SHANK1: variants seen among roughly 807,000 people sequenced by gnomAD.
SHANK1 encodes SH3 and multiple ankyrin repeat domains protein 1.
A neutral mutation model predicts 165.6 loss-of-function variants in SHANK1; 35 were observed. That is an observed-to-expected ratio of 0.21 (90% confidence interval 0.16 to 0.28). The LOEUF is 0.28. SHANK1 is among the 10% of genes least tolerant of loss of function. The pLI is 1.00. For missense variants in SHANK1, 2,681 were observed against 3,036.4 expected (o/e 0.88, Z 2.75); for synonymous variants, 1,428 against 1,384.8 (o/e 1.03, Z -0.69).
At position 50,686,200 on chromosome 19, in the gene SHANK1, C is replaced by T. The variant is rs201275024; in HGVS notation, c.2577+37G>A. ...CTCCAGGTTGGTGTGTGAACCGCCTCCCCCCTGGCAGTTCCTCCCCACACC... is the reference window on the plus strand; with the variant it reads ...CTCCAGGTTGGTGTGTGAACCGCCTTCCCCCTGGCAGTTCCTCCCCACACC... On this transcript the variant is annotated intron_variant, in intron 21 of 23. Coordinates refer to ENST00000293441, the MANE Select transcript of SHANK1 (RefSeq NM_016148.5). This position sits in a 1 kb window ranked among gnomAD's most constrained non-coding sequence, Gnocchi z 5.7. 225 of 1,269,096 alleles carry T rather than the reference C, an allele frequency of 1.8e-4. No individual in the cohort carries two copies. The highest frequency in any genetic ancestry group is 4.5e-5 in the Non-Finnish European group (40 of 897,874). The allele number at this position is 1,269,096 out of a possible 1,614,324, so 78.6% of individuals were successfully genotyped here.
chr19:50,672,978 T>A (rs1346178840), intron 21 of SHANK1, among the ~76,000 whole-genome samples: 1 of 152,086 alleles, frequency 6.6e-6, no homozygotes, highest in Admixed American at 6.5e-5. Flanking sequence ...GGATGCAGCA[T>A]CCCATCCCTC....
chr19:50,699,007 G>A (rs1472235680), intron 12 of SHANK1, among the ~76,000 whole-genome samples: 1 of 152,232 alleles, frequency 6.6e-6, no homozygotes, highest in Non-Finnish European at 1.5e-5. Context: ...AAGCTGAAGC[G>A]AATGTGGAGA....
At position 50,690,825 on chromosome 19, in the gene SHANK1, C is replaced by T. The variant is rs945060891; in HGVS notation, c.1965-1546G>A. Among the ~76,000 whole-genome samples, 1 of 152,088 alleles carries T rather than the reference C, an allele frequency of 6.6e-6. No individual in the cohort carries two copies. Among genetic ancestry groups the T allele is most frequent in the African/African-American group, 2.4e-5 (1 of 41,404 alleles). ...CTGAACACATACATCCCAGCAAATG[C>T]CAATAATACTTACTGTGCTCCACTG... On this transcript the variant is annotated intron_variant, in intron 15 of 23. Transcript: ENST00000293441. This position sits in a 1 kb window ranked among gnomAD's most constrained non-coding sequence, Gnocchi z 4.9.
chr19:50,693,393 T>C (rs1986605954), intron 15 of SHANK1, among the ~76,000 whole-genome samples: 1 of 149,952 alleles, frequency 6.7e-6, no homozygotes, highest in South Asian at 2.2e-4. Flanking sequence ...CCCCCCATCT[T>C]GGCTGCCCCT....
rs760903790 is a variant in SHANK1, at chr19:50,662,499, C to T, written c.5952G>A (p.Gln1984=). 147 of 1,559,650 alleles carry T rather than the reference C, an allele frequency of 9.4e-5. No homozygotes were observed. In the East Asian group the frequency reaches 3.4e-3, roughly 36 times the overall value. The change falls in exon 24 of 24, where the codon CAG becomes CAA. Residue 1984 remains glutamine (Q), a synonymous_variant. Coordinates refer to ENST00000293441, the MANE Select transcript of SHANK1 (RefSeq NM_016148.5). This position sits in a 1 kb window ranked among gnomAD's most constrained non-coding sequence, Gnocchi z 7.7. ...SSSSTSTRHL[Q]GVEFEMRPPL... The stretch of plus-strand genomic sequence containing the variant: ...GGGGCCGCATCTCGAACTCCACGCC[C>T]TGGAGGTGGCGGGTGGACGTGGAGG...
chr19:50,700,074 T>C (rs1273599695), intron 12 of SHANK1, among the ~76,000 whole-genome samples: 5 of 119,462 alleles, frequency 4.2e-5, no homozygotes, highest in African/African-American at 6.8e-5. Context: ...GCTCAGGGCA[T>C]TGGAGGATTG....
chr19:50,704,970 G>A (rs1001367652), intron 8 of SHANK1, among the ~76,000 whole-genome samples: 4 of 151,018 alleles, frequency 2.6e-5, no homozygotes, highest in African/African-American at 4.9e-5. Context: ...TGGGAGGATC[G>A]CTTGAGCTCA....
intron 19 of SHANK1, chr19:50,687,179 G>C (rs1986375806): frequency 3.9e-6 from 2 of 513,692 alleles, no homozygotes; most frequent in African/African-American, 2.0e-5. Flanking sequence ...CCTGTCAGGG[G>C]AAATGGGACC....
intron 15 of SHANK1, among the ~76,000 whole-genome samples, chr19:50,692,689 G>A (rs1037904183): frequency 4.0e-5 from 6 of 151,188 alleles, no homozygotes; most frequent in Non-Finnish European, 7.4e-5. Flanking sequence ...CTGCTCTCTT[G>A]CTCCCACAGC....
intron 10 of SHANK1, 144 bp from the exon 11 acceptor site, chr19:50,703,974 C>G: frequency 2.3e-6 from 2 of 858,788 alleles, no homozygotes; most frequent in South Asian, 3.2e-5. Context: ...GAATTGCTCC[C>G]CCACCACCAT....
In SHANK1 at chr19:50,667,615, G is replaced by A. The variant is rs1440471894; in HGVS notation, c.4345C>T (p.Pro1449Ser). The A allele has an allele frequency of 6.9e-7, 1 of 1,439,302 alleles. No individual in the cohort carries two copies. 89.2% of individuals were successfully genotyped at this position (1,439,302 alleles called of 1,614,324 possible). ...AARRSLLHRL[P>S]PTAPGVGPLL... ...GGCCCCACCCCGGGAGCGGTGGGCG[G>A]CAGGCGGTGTAGCAGGGAACGCCGG... The change falls in exon 23 of 24, where the codon CCG (proline) becomes TCG (serine). Residue 1449 changes from proline to serine, a missense_variant. Around this residue, in one of 10 missense-constraint regions of SHANK1, gnomAD observed 1,713 missense variants for 1,630.2 expected, o/e 1.05. Transcript: ENST00000293441. This position sits in a 1 kb window ranked among gnomAD's most constrained non-coding sequence, Gnocchi z 5.7.
intron 21 of SHANK1, 66 bp from the exon 22 acceptor site, chr19:50,672,180 G>T: frequency 7.7e-7 from 1 of 1,296,716 alleles, no homozygotes; most frequent in Non-Finnish European, 1.1e-6. Context: ...GCGCAGAAAG[G>T]CTTGTGGCTT....
In SHANK1 at chr19:50,666,414, G is replaced by A. The variant is rs1408052922; in HGVS notation, c.5546C>T (p.Pro1849Leu). 1.2e-6 allele frequency: 2 copies of A among 1,611,984 alleles called. No homozygotes were observed. The highest frequency in any genetic ancestry group is 8.5e-7 in the Non-Finnish European group (1 of 1,179,404). Residue 1849 changes from proline (P) to leucine (L), a missense_variant, in exon 23 of 24, where the codon CCA becomes CTA. By Grantham distance (98) the Pro-to-Leu change is moderately conservative. Around this residue, in one of 10 missense-constraint regions of SHANK1, gnomAD observed 1,713 missense variants for 1,630.2 expected, o/e 1.05. Transcript: ENST00000293441. Reference protein sequence around the residue: ...PWEEGPGPPPPPLPGPLAQPQ... With the variant: ...PWEEGPGPPPLPLPGPLAQPQ... ...CTGGGCCAAGGGCCCGGGCAGAGGT[G>A]GTGGCGGTGGGCCCGGGCCCTCCTC... is the stretch of plus-strand genomic sequence containing the variant.
intron 22 of SHANK1, among the ~76,000 whole-genome samples, 158 bp downstream of exon 22, chr19:50,671,860 C>T (rs372608046): frequency 1.4e-4 from 21 of 152,286 alleles, no homozygotes; most frequent in African/African-American, 3.9e-4. Flanking sequence ...GATTCATGGC[C>T]AAGTTCACCC....
Position 50,690,316 on chromosome 19 carries a change from T to G in SHANK1, c.1965-1037A>C, listed in dbSNP as rs984186710. ...GAAACTCAGATACAGTTCATGGATC[T>G]CAAGGCTCACTCAAACAGCCCCAAA... On this transcript the variant is annotated intron_variant, in intron 15 of 23. Transcript: ENST00000293441. This position sits in a 1 kb window ranked among gnomAD's most constrained non-coding sequence, Gnocchi z 4.9. Among the ~76,000 whole-genome samples, 8 of 152,116 alleles carry G rather than the reference T, an allele frequency of 5.3e-5. No homozygotes were observed. Among genetic ancestry groups the G allele is most frequent in the Non-Finnish European group, 1.2e-4 (8 of 68,020 alleles).
Position 50,717,340 on chromosome 19 carries a change from A to G in SHANK1, c.-43-378T>C, listed in dbSNP as rs1394665293. Among the ~76,000 whole-genome samples, 1 of 152,212 alleles carries G rather than the reference A, an allele frequency of 6.6e-6. No individual in the cohort carries two copies. The highest frequency in any genetic ancestry group is 1.5e-5 in the Non-Finnish European group (1 of 68,034). ...AATGCAGCTAAAATTAGCTAAGGAC[A>G]GACAGGTGGACAAACTGACAGGCAT... On this transcript the variant is annotated intron_variant, in intron 1 of 23. Coordinates refer to ENST00000293441, the MANE Select transcript of SHANK1 (RefSeq NM_016148.5). The surrounding 1 kb of genome is among the most constrained non-coding windows in gnomAD (Gnocchi z 5.5).
At chr19:50,687,251 G>C (rs929480304) in intron 19 of SHANK1, among the ~76,000 whole-genome samples, 8 of 152,026 alleles carry the variant, frequency 5.3e-5, no homozygotes, top group Non-Finnish European at 1.2e-4. Context: ...TTGGGGGTTG[G>C]GGGGAGCTGG....
At position 50,717,989 on chromosome 19, in the gene SHANK1, C is replaced by A. The variant is rs1046314234; in HGVS notation, c.-43-1027G>T. 2.6e-5 allele frequency among the ~76,000 whole-genome samples: 4 copies of A among 152,088 alleles called. No individual in the cohort carries two copies. Among genetic ancestry groups the A allele is most frequent in the African/African-American group, 9.7e-5 (4 of 41,388 alleles). Reference sequence around the variant, plus strand: ...GGGTCCGCCTCCCTTCTGTTCTCCCCCAACTCCCACCCCAGCACCGGAAAC... The same window carrying A: ...GGGTCCGCCTCCCTTCTGTTCTCCCACAACTCCCACCCCAGCACCGGAAAC... On this transcript the variant is annotated intron_variant, in intron 1 of 23. Transcript: ENST00000293441. This position sits in a 1 kb window ranked among gnomAD's most constrained non-coding sequence, Gnocchi z 5.5.
rs1438440762 is a variant in SHANK1 at position 50,690,018 on chromosome 19, C to T, written c.1965-739G>A. On this transcript the variant is annotated intron_variant, in intron 15 of 23. Transcript: ENST00000293441. This position sits in a 1 kb window ranked among gnomAD's most constrained non-coding sequence, Gnocchi z 4.9. ...AATTCAATTCCTCAGTCACAGTGGC[C>T]ATATTTCCAAGTGTGCAGAAGCTGC... Among the ~76,000 whole-genome samples the T allele has an allele frequency of 6.6e-6, 1 of 152,148 alleles. No homozygotes were observed. Among genetic ancestry groups the T allele is most frequent in the Admixed American group, 6.5e-5 (1 of 15,274 alleles).
Sources: allele counts gnomAD v4.1 joint callset (sites outside exome capture counted in the v4.1 genomes callset), GRCh38; gene constraint gnomAD v4.1.1; regional missense constraint gnomAD v4.1.1; non-coding constraint Gnocchi (gnomAD v3.1); transcripts MANE v1.5; gene names NCBI Gene and HGNC (gene_info 2026-07-23, HGNC 2026-07-21).